CSMD3: variants seen among roughly 807,000 people sequenced by gnomAD.
CSMD3 encodes CUB and sushi domain-containing protein 3.
A neutral mutation model predicts 435.2 loss-of-function variants in CSMD3; 177 were observed. That is an observed-to-expected ratio of 0.41 (90% CI 0.36 to 0.46). The LOEUF is 0.46. Among genes scored for constraint, CSMD3 ranks in the 20% least tolerant of loss-of-function variants. The pLI is 0.34. For synonymous variants in CSMD3, 1,656 were observed against 1,520.5 expected (o/e 1.09, Z -2.07); for missense variants, 4,265 against 4,504.6 (o/e 0.95, Z 1.52).
At chr8:112,797,602 T>A (rs1442286016) in intron 13 of CSMD3, among the ~76,000 whole-genome samples, 1 of 151,878 alleles carries the variant, frequency 6.6e-6, no homozygotes, top group East Asian at 1.9e-4. Flanking sequence ...ATCTACAGAT[T>A]ACAAAACCAG....
At chr8:113,237,648 T>A (rs992154040) in intron 3 of CSMD3, among the ~76,000 whole-genome samples, 5 of 152,230 alleles carry the variant, frequency 3.3e-5, no homozygotes, top group Admixed American at 6.5e-5. Flanking sequence ...GATTGTTTAA[T>A]TAACAGCCAT....
At chr8:112,365,725 G>A (rs1187986174) in intron 38 of CSMD3, among the ~76,000 whole-genome samples, 2 of 152,022 alleles carry the variant, frequency 1.3e-5, no homozygotes, top group Non-Finnish European at 1.5e-5. Context: ...CAAACAATCA[G>A]GAGTTTACAA....
intron 66 of CSMD3, 126 bp from the exon 67 acceptor site, chr8:112,237,474 A>G: frequency 1.4e-6 from 1 of 727,130 alleles, no homozygotes; most frequent in African/African-American, 1.8e-5. Flanking sequence ...AATGTGTGTT[A>G]CAAAATTAAT....
At chr8:112,499,086 A>C (rs1410507229) in intron 30 of CSMD3, among the ~76,000 whole-genome samples, 1 of 152,164 alleles carries the variant, frequency 6.6e-6, no homozygotes, top group African/African-American at 2.4e-5. Flanking sequence ...AGGGGGATGC[A>C]CATGGTAAGT....
intron 32 of CSMD3, among the ~76,000 whole-genome samples, chr8:112,423,326 CATT>C (rs1812719003): frequency 1.3e-5 from 2 of 152,248 alleles, no homozygotes; most frequent in East Asian, 3.9e-4. Flanking sequence ...TTTTTGGCAA[CATT>C]ATTGTCATCA....
chr8:112,235,198 G>C (rs1337685705), intron 67 of CSMD3, among the ~76,000 whole-genome samples: 2 of 151,970 alleles, frequency 1.3e-5, no homozygotes, highest in African/African-American at 4.8e-5. Flanking sequence ...TAAGCAACAT[G>C]GCAAAACCCC....
intron 47 of CSMD3, among the ~76,000 whole-genome samples, chr8:112,315,547 A>C (rs1822380976): frequency 2.0e-5 from 3 of 151,886 alleles, no homozygotes; most frequent in Admixed American, 2.0e-4. Context: ...TCCATTGTGC[A>C]GAAGTAAACC....
chr8:112,672,359 G>T (rs1327835232), intron 16 of CSMD3, among the ~76,000 whole-genome samples: 1 of 152,076 alleles, frequency 6.6e-6, no homozygotes, highest in Non-Finnish European at 1.5e-5. Flanking sequence ...GTTCATGGGG[G>T]CCTCTGGTTA....
At chr8:112,754,368 G>C (rs556445706) in intron 13 of CSMD3, among the ~76,000 whole-genome samples, 2 of 152,180 alleles carry the variant, frequency 1.3e-5, no homozygotes, top group South Asian at 4.1e-4. Context: ...AGGAGAGGCT[G>C]AAGTTTTAGG....
intron 35 of CSMD3, among the ~76,000 whole-genome samples, chr8:112,399,288 T>A (rs1831119266): frequency 6.7e-6 from 1 of 150,050 alleles, no homozygotes; most frequent in Non-Finnish European, 1.5e-5. Flanking sequence ...TTAGACAGAG[T>A]CTTGCTCTGT....
chr8:113,418,504 A>T (rs1254764354), intron 1 of CSMD3, among the ~76,000 whole-genome samples: 1 of 152,196 alleles, frequency 6.6e-6, no homozygotes, highest in African/African-American at 2.4e-5. Context: ...TGGTTAAGTC[A>T]AAAAAGAACC....
intron 6 of CSMD3, among the ~76,000 whole-genome samples, chr8:113,010,238 G>C (rs574769391): frequency 4.6e-5 from 7 of 151,714 alleles, no homozygotes; most frequent in Non-Finnish European, 1.0e-4. Context: ...ATATTCACTA[G>C]TTGGGTGCAT....
Position 113,192,503 on chromosome 8 carries a change from C to A in CSMD3, c.515-18587G>T, listed in dbSNP as rs1014300918. On this transcript the variant is annotated intron_variant, in intron 3 of 70. Coordinates refer to ENST00000297405, the MANE Select transcript of CSMD3 (RefSeq NM_198123.2). Reference sequence around the variant, plus strand: ...CCCTTAATGTTACTAATTTACCTTTCAAAAATGCCTATTATTTGAACACTT... The same window carrying A: ...CCCTTAATGTTACTAATTTACCTTTAAAAAATGCCTATTATTTGAACACTT... Among the ~76,000 whole-genome samples, 7 of 151,594 alleles carry A rather than the reference C, an allele frequency of 4.6e-5. No homozygotes were observed. In the East Asian group the frequency reaches 5.9e-4, roughly 13 times the overall value.
At chr8:112,392,549 A>C (rs1310240508) in intron 35 of CSMD3, among the ~76,000 whole-genome samples, 1 of 152,070 alleles carries the variant, frequency 6.6e-6, no homozygotes, top group Non-Finnish European at 1.5e-5. Context: ...ATATTCACCC[A>C]AAAAATAGAA....
chr8:113,064,329 C>T (rs1424142809), intron 5 of CSMD3, among the ~76,000 whole-genome samples: 2 of 151,754 alleles, frequency 1.3e-5, no homozygotes, highest in Non-Finnish European at 1.5e-5. Flanking sequence ...CCATTTGGCC[C>T]CATTTTGTCC....
At position 112,811,583 on chromosome 8, in the gene CSMD3, A is replaced by G. The variant is rs561477541; in HGVS notation, c.1860-11309T>C. ...TTGATTATTATAAAGATAGAAGTGT[A>G]TATTTTTCTTTTGATAAAGACAATT... On this transcript the variant is annotated intron_variant, in intron 12 of 70. Transcript: ENST00000297405. 1.4e-4 allele frequency among the ~76,000 whole-genome samples: 21 copies of G among 152,248 alleles called. No individual in the cohort carries two copies. The East Asian group carries it at 3.9e-3, about 28-fold the overall frequency.
chr8:112,987,681 A>G (rs988170236), intron 6 of CSMD3, among the ~76,000 whole-genome samples: 2 of 152,114 alleles, frequency 1.3e-5, no homozygotes, highest in Admixed American at 6.6e-5. Context: ...CCAATACAGT[A>G]TAGCATGTAA....
At chr8:112,230,068 C>T (rs995458843) in intron 69 of CSMD3, among the ~76,000 whole-genome samples, 24 of 152,042 alleles carry the variant, frequency 1.6e-4, no homozygotes, top group Non-Finnish European at 2.4e-4. Context: ...CGATGGCATT[C>T]GCAGAGTTAG....
At chr8:112,632,198 C>G (rs997560736) in intron 22 of CSMD3, among the ~76,000 whole-genome samples, 9 of 152,002 alleles carry the variant, frequency 5.9e-5, no homozygotes, top group African/African-American at 2.2e-4. Flanking sequence ...ATAGTACAGA[C>G]AGTTCGCATA....
Sources: gnomAD v4.1 joint callset for allele counts (sites outside exome capture counted in the v4.1 genomes callset) on GRCh38, gnomAD v4.1.1 for gene constraint, MANE v1.5 for transcripts, NCBI Gene and HGNC (gene_info 2026-07-23, HGNC 2026-07-21) for gene names.